MPPED2: variants seen among roughly 807,000 people sequenced by gnomAD.
MPPED2 encodes the protein metallophosphoesterase MPPED2.
A neutral mutation model predicts 33.0 loss-of-function variants in MPPED2; 5 were observed. The ratio of observed to expected loss-of-function variants is 0.15; its 90% confidence interval spans 0.08 to 0.32. MPPED2 has a LOEUF of 0.32. MPPED2 is among the 10% of genes least tolerant of loss of function. MPPED2 has a pLI of 1.00. For missense variants in MPPED2, 275 were observed against 372.1 expected (o/e 0.74, Z 2.15); for synonymous variants, 136 against 141.9 (o/e 0.96, Z 0.29).
intron 1 of MPPED2, chr11:30,584,138 C>T (rs1456440833): frequency 1.3e-5 from 2 of 152,140 alleles, no homozygotes; most frequent in Admixed American, 1.3e-4. Flanking sequence ...CTGAACTTGT[C>T]TCCAGCACTG....
At chr11:30,480,615 C>T (rs1951441865) in intron 4 of MPPED2, among the ~76,000 whole-genome samples, 1 of 152,104 alleles carries the variant, frequency 6.6e-6, no homozygotes, top group African/African-American at 2.4e-5. Context: ...AGTTTTGAGA[C>T]TTTGCTCCTT....
intron 6 of MPPED2, among the ~76,000 whole-genome samples, chr11:30,395,930 T>C (rs1414750855): frequency 6.6e-6 from 1 of 152,160 alleles, no homozygotes; most frequent in Admixed American, 6.5e-5. Flanking sequence ...CACTCTACAC[T>C]GTAACCGCAG....
chr11:30,490,080 T>C (rs1214090763), intron 4 of MPPED2, among the ~76,000 whole-genome samples: 1 of 152,158 alleles, frequency 6.6e-6, no homozygotes. Flanking sequence ...CAGCCAGACA[T>C]GCCATTAGTT....
intron 3 of MPPED2, among the ~76,000 whole-genome samples, chr11:30,499,797 T>C (rs1301959171): frequency 2.6e-5 from 4 of 152,224 alleles, no homozygotes; most frequent in African/African-American, 9.6e-5. Flanking sequence ...GTGGGACCAA[T>C]TCAGCCCTCA....
rs745317470 is a variant in MPPED2 at position 30,495,371 on chromosome 11, G to C, written c.461C>G (p.Ser154Cys). 1.2e-6 allele frequency: 2 copies of C among 1,614,142 alleles called. No homozygotes were observed. Among genetic ancestry groups the C allele is most frequent in the Non-Finnish European group, 1.7e-6 (2 of 1,180,000 alleles). Residue 154 changes from serine (S) to cysteine (C), a missense_variant, in exon 4 of 7, where the codon TCC (serine) becomes TGC (cysteine). Physicochemically the swap from Ser to Cys is moderately radical, Grantham distance 112 (BLOSUM62 -1). Transcript: ENST00000358117. ...LKPEDFDNVQSLLTNSIYLQD... is the reference protein window; with the variant it reads ...LKPEDFDNVQCLLTNSIYLQD... The stretch of plus-strand genomic sequence containing the variant: ...TAAGTAAATACTGTTTGTCAGGAGG[G>C]ACTGAACATTGTCAAAGTCCTCTGG...
intron 2 of MPPED2, among the ~76,000 whole-genome samples, chr11:30,558,372 T>G (rs1956083648): frequency 6.6e-6 from 1 of 151,890 alleles, no homozygotes; most frequent in Non-Finnish European, 1.5e-5. Context: ...TTTGTAAACT[T>G]TTTTCCCCTT....
chr11:30,458,268 G>C (rs1950365326), intron 4 of MPPED2, among the ~76,000 whole-genome samples: 1 of 152,202 alleles, frequency 6.6e-6, no homozygotes, highest in African/African-American at 2.4e-5. Context: ...AAGAAACACT[G>C]AGATCAGAGA....
intron 2 of MPPED2, among the ~76,000 whole-genome samples, chr11:30,559,618 C>T (rs192837712): frequency 2.6e-5 from 4 of 152,072 alleles, no homozygotes; most frequent in East Asian, 1.9e-4. Context: ...CACAAAATTG[C>T]GTATCTCCTT....
intron 2 of MPPED2, among the ~76,000 whole-genome samples, chr11:30,542,459 CAAAAAAAAA>C (rs59474313): frequency 7.7e-5 from 6 of 77,792 alleles, no homozygotes; most frequent in Admixed American, 1.7e-4. Flanking sequence ...ACCAAAAGTA[CAAAAAAAAA>C]AAAAAAAAAA....
At position 30,584,376 on chromosome 11, in the gene MPPED2, A is replaced by ACC. The variant is rs1554919615; in HGVS notation, c.-122+1664_-122+1665dup. 697 of 72,888 alleles carry ACC rather than the reference A, an allele frequency of 9.6e-3. 8 individuals are homozygous for ACC. The highest frequency in any genetic ancestry group is 0.023 in the African/African-American group (599 of 26,230). The allele number at this position is 72,888 out of a possible 1,614,324, so 4.5% of individuals were successfully genotyped here. A position where few individuals can be genotyped will look rare whatever the true frequency, so the allele number is the denominator to read the frequency against. ...CACACACACACACACACACACACACACCACATACACTCGCCCTGCCCTTCT... is the reference window on the plus strand; with the variant it reads ...CACACACACACACACACACACACACACCCCACATACACTCGCCCTGCCCTTCT... On this transcript the variant is annotated intron_variant, in intron 1 of 6. Coordinates refer to ENST00000358117, the MANE Select transcript of MPPED2 (RefSeq NM_001584.3).
At chr11:30,465,635 G>C (rs1436216375) in intron 4 of MPPED2, among the ~76,000 whole-genome samples, 2 of 152,092 alleles carry the variant, frequency 1.3e-5, no homozygotes, top group East Asian at 3.8e-4. Flanking sequence ...ACTGCACATG[G>C]AAAACAACAT....
chr11:30,410,282 T>A lies in MPPED2; in HGVS notation c.*1186A>T, dbSNP rs371253685. On this transcript the variant is annotated 3_prime_UTR_variant, in exon 7 of 7. Transcript: ENST00000358117. ...GGCCGCTAGATATAGAATATCACAA[T>A]AAATTTAAAGAAACAACTGCTTTCC... is the stretch of plus-strand genomic sequence containing the variant. The A allele has an allele frequency of 1.0e-6, 1 of 985,150 alleles. No individual in the cohort carries two copies. Among genetic ancestry groups the A allele is most frequent in the Non-Finnish European group, 1.2e-6 (1 of 829,426 alleles). 61.0% of individuals were successfully genotyped at this position (985,150 alleles called of 1,614,324 possible). A position where few individuals can be genotyped will look rare whatever the true frequency, so the allele number is the denominator to read the frequency against.
intron 6 of MPPED2, among the ~76,000 whole-genome samples, chr11:30,400,845 C>T (rs1339616797): frequency 6.6e-6 from 1 of 151,984 alleles, no homozygotes; most frequent in Non-Finnish European, 1.5e-5. Flanking sequence ...ACTGCAGCCT[C>T]AACCTACCAG....
At chr11:30,549,915 C>A (rs1038263600) in intron 2 of MPPED2, among the ~76,000 whole-genome samples, 3 of 152,156 alleles carry the variant, frequency 2.0e-5, no homozygotes, top group African/African-American at 4.8e-5. Flanking sequence ...GTTTTTAAAT[C>A]ATCTTTTGGG....
chr11:30,503,645 G>A (rs1018562822), intron 3 of MPPED2, among the ~76,000 whole-genome samples: 3 of 152,082 alleles, frequency 2.0e-5, no homozygotes, highest in Non-Finnish European at 4.4e-5. Context: ...AGCAAACATG[G>A]CTTGTCATTT....
chr11:30,475,992 C>T (rs1235011861), intron 4 of MPPED2, among the ~76,000 whole-genome samples: 1 of 152,092 alleles, frequency 6.6e-6, no homozygotes, highest in East Asian at 1.9e-4. Context: ...TCAGCCATGA[C>T]TAATGTTTTT....
At chr11:30,553,147 T>G (rs1173894555) in intron 2 of MPPED2, among the ~76,000 whole-genome samples, 1 of 152,192 alleles carries the variant, frequency 6.6e-6, no homozygotes, top group Non-Finnish European at 1.5e-5. Context: ...CCTACTCAGT[T>G]TATTTCCAAA....
chr11:30,508,272 T>C (rs926472515), intron 3 of MPPED2, among the ~76,000 whole-genome samples: 4 of 152,082 alleles, frequency 2.6e-5, no homozygotes, highest in African/African-American at 9.7e-5. Context: ...ATGAAAAAAT[T>C]TAAAAAATGT....
chr11:30,550,566 G>A (rs1955658586), intron 2 of MPPED2, among the ~76,000 whole-genome samples: 1 of 152,148 alleles, frequency 6.6e-6, no homozygotes, highest in African/African-American at 2.4e-5. Context: ...TTGGCCTGAA[G>A]GGTATGGACA....
Sources: allele counts gnomAD v4.1 joint callset (sites outside exome capture counted in the v4.1 genomes callset), GRCh38; gene constraint gnomAD v4.1.1; transcripts MANE v1.5; gene names NCBI Gene and HGNC (gene_info 2026-07-23, HGNC 2026-07-21).